JAZF1: variants seen among roughly 807,000 people sequenced by gnomAD.
The protein encoded by JAZF1 is JAZF zinc finger 1, also known as juxtaposed with another zinc finger protein 1.
In JAZF1, 8 loss-of-function variants were observed where a neutral mutation model predicts 26.4. The observed-to-expected ratio is 0.30, with a 90% CI of 0.18 to 0.55. JAZF1 has a LOEUF of 0.55. Among genes scored for constraint, JAZF1 ranks in the 20% least tolerant of loss-of-function variants. JAZF1 has a pLI of 0.94. For synonymous variants in JAZF1, 126 were observed against 122.3 expected (o/e 1.03, Z -0.20); for missense variants, 199 against 322.0 (o/e 0.62, Z 2.92).
chr7:27,905,912 T>C (rs1040033582), intron 2 of JAZF1, among the ~76,000 whole-genome samples: 5 of 152,174 alleles, frequency 3.3e-5, no homozygotes, highest in African/African-American at 1.2e-4. Flanking sequence ...AAAGCCACAA[T>C]ATAAAATTTC....
intron 1 of JAZF1, among the ~76,000 whole-genome samples, chr7:28,142,934 A>G (rs1375465527): frequency 7.9e-5 from 12 of 152,152 alleles, no homozygotes; most frequent in Non-Finnish European, 7.4e-5. Context: ...TGTTCTGGGG[A>G]TAGAAAGTAT....
At position 28,099,059 on chromosome 7, in the gene JAZF1, C is replaced by T. The variant is rs139151888; in HGVS notation, c.115+81404G>A. ...GCACTAGGACTGAGGGATGCCAGCACCACTTTCTTGGGACTTTCTATTATT... is the reference window on the plus strand; with the variant it reads ...GCACTAGGACTGAGGGATGCCAGCATCACTTTCTTGGGACTTTCTATTATT... On this transcript the variant is annotated intron_variant, in intron 1 of 4. Coordinates refer to ENST00000283928, the MANE Select transcript of JAZF1 (RefSeq NM_175061.4). Among the ~76,000 whole-genome samples, 106 of 152,306 alleles carry T rather than the reference C, an allele frequency of 7.0e-4. 3 individuals carry two copies. In the East Asian group the frequency reaches 0.016, roughly 23 times the overall value.
At chr7:28,138,103 A>G (rs1782911830) in intron 1 of JAZF1, among the ~76,000 whole-genome samples, 1 of 152,236 alleles carries the variant, frequency 6.6e-6, no homozygotes, top group Non-Finnish European at 1.5e-5. Flanking sequence ...TCCATGTTCC[A>G]GAACCATACC....
chr7:28,039,902 G>A (rs1783360366), intron 1 of JAZF1, among the ~76,000 whole-genome samples: 1 of 152,124 alleles, frequency 6.6e-6, no homozygotes, highest in Admixed American at 6.5e-5. Flanking sequence ...CAGGCCTAAA[G>A]CATTAATTTA....
intron 2 of JAZF1, among the ~76,000 whole-genome samples, chr7:27,962,535 C>T (rs1736031695): frequency 6.6e-6 from 1 of 152,102 alleles, no homozygotes; most frequent in Admixed American, 6.5e-5. Context: ...ACAAGAGAAG[C>T]CAAAGGGATC....
At chr7:27,909,787 A>G (rs1338186680) in intron 2 of JAZF1, among the ~76,000 whole-genome samples, 1 of 152,216 alleles carries the variant, frequency 6.6e-6, no homozygotes, top group Admixed American at 6.5e-5. Flanking sequence ...TATCTTATTT[A>G]AGCTTTCTCC....
intron 2 of JAZF1, among the ~76,000 whole-genome samples, chr7:27,902,699 T>C (rs1430688138): frequency 6.6e-6 from 1 of 152,166 alleles, no homozygotes; most frequent in Non-Finnish European, 1.5e-5. Flanking sequence ...GCTTAACAAA[T>C]GTCAGGTTCC....
intron 1 of JAZF1, among the ~76,000 whole-genome samples, chr7:28,137,590 G>A (rs1782904127): frequency 6.6e-6 from 1 of 152,158 alleles, no homozygotes; most frequent in South Asian, 2.1e-4. Flanking sequence ...CACAGGGTGC[G>A]CTCTTGGATG....
intron 4 of JAZF1, among the ~76,000 whole-genome samples, chr7:27,837,431 C>T (rs1365880675): frequency 6.6e-6 from 1 of 152,220 alleles, no homozygotes; most frequent in Non-Finnish European, 1.5e-5. Context: ...CCACATTTCC[C>T]CGTTCCCATG....
At chr7:28,002,890 T>C (rs2128368167) in intron 1 of JAZF1, among the ~76,000 whole-genome samples, 1 of 152,152 alleles carries the variant, frequency 6.6e-6, no homozygotes, top group South Asian at 2.1e-4. Context: ...ATATGGTAGA[T>C]TTCTTTCAGG....
At chr7:28,038,118 C>T (rs1193769287) in intron 1 of JAZF1, among the ~76,000 whole-genome samples, 2 of 152,084 alleles carry the variant, frequency 1.3e-5, no homozygotes, top group South Asian at 2.1e-4. Context: ...AATACCAGAA[C>T]CAATGGGCTA....
chr7:27,934,048 C>T (rs976395086), intron 2 of JAZF1, among the ~76,000 whole-genome samples: 2 of 152,068 alleles, frequency 1.3e-5, no homozygotes, highest in African/African-American at 2.4e-5. Flanking sequence ...TTTCATTAGC[C>T]GCATGGAAAT....
intron 3 of JAZF1, among the ~76,000 whole-genome samples, chr7:27,862,741 C>T (rs1783406302): frequency 6.6e-6 from 1 of 152,220 alleles, no homozygotes; most frequent in Non-Finnish European, 1.5e-5. Context: ...GTTGCTGCTG[C>T]CTCACCTCTA....
At chr7:28,104,557 A>G (rs1583562283) in intron 1 of JAZF1, among the ~76,000 whole-genome samples, 1 of 152,234 alleles carries the variant, frequency 6.6e-6, no homozygotes, top group East Asian at 1.9e-4. Flanking sequence ...AAACATGTGG[A>G]TAGTGTTACT....
At chr7:28,051,131 C>CAAAAA (rs775277755) in intron 1 of JAZF1, among the ~76,000 whole-genome samples, 6 of 96,532 alleles carry the variant, frequency 6.2e-5, no homozygotes, top group East Asian at 7.3e-4. Flanking sequence ...GACTCCATCT[C>CAAAAA]AAAAAAAAAA....
chr7:27,856,751 G>T (rs183446832), intron 3 of JAZF1, among the ~76,000 whole-genome samples: 40 of 152,236 alleles, frequency 2.6e-4, no homozygotes, highest in African/African-American at 8.9e-4. Flanking sequence ...TAGATACAGA[G>T]TGCCAATTGG....
intron 3 of JAZF1, chr7:27,843,013 T>A (rs1782951649): frequency 6.6e-6 from 1 of 152,236 alleles, no homozygotes; most frequent in Non-Finnish European, 1.5e-5. Flanking sequence ...GCCTACACTG[T>A]CTGCGTCTCA....
At chr7:28,086,693 G>C (rs1005996995) in intron 1 of JAZF1, among the ~76,000 whole-genome samples, 2 of 152,204 alleles carry the variant, frequency 1.3e-5, no homozygotes, top group African/African-American at 4.8e-5. Flanking sequence ...TGGGTCAGTG[G>C]AGGAGACATC....
chr7:28,082,570 G>A (rs887470534), intron 1 of JAZF1, among the ~76,000 whole-genome samples: 1 of 152,138 alleles, frequency 6.6e-6, no homozygotes, highest in Non-Finnish European at 1.5e-5. Flanking sequence ...TATTGGACAT[G>A]TATAACCAGT....
Sources: allele counts gnomAD v4.1 joint callset (sites outside exome capture counted in the v4.1 genomes callset), GRCh38; gene constraint gnomAD v4.1.1; transcripts MANE v1.5; gene names NCBI Gene and HGNC (gene_info 2026-07-23, HGNC 2026-07-21).